Variants in NOL10 observed in about 807,000 individuals in gnomAD.
The protein encoded by NOL10 is nucleolar protein 10.
Under a neutral mutation model 103.5 loss-of-function variants are expected in NOL10, and 58 were observed. That is an observed-to-expected ratio of 0.56 (90% CI 0.45 to 0.70). The LOEUF is 0.70. Among genes scored for constraint, NOL10 ranks in the 30% least tolerant of loss-of-function variants. The pLI, the probability that NOL10 is intolerant of heterozygous loss-of-function variation, is 0.00. For missense variants in NOL10, 763 were observed against 807.3 expected, an observed-to-expected ratio of 0.95 and a Z score of 0.67; for synonymous variants, 287 against 282.5, an observed-to-expected ratio of 1.02 and a Z score of -0.16.
intron 1 of NOL10, among the ~76,000 whole-genome samples, chr2:10,687,897 A>G (rs1270356234): frequency 6.6e-6 from 1 of 152,168 alleles, no homozygotes; most frequent in Non-Finnish European, 1.5e-5. Context: ...CAGTGAGCCA[A>G]CATCAGGCCA....
rs550814649 is a variant in NOL10 at position 10,636,858 on chromosome 2, C to T, written c.1026+7462G>A. Among the ~76,000 whole-genome samples the T allele has an allele frequency of 6.4e-4, 97 of 152,250 alleles. 4 individuals are homozygous for T. In the South Asian group the frequency reaches 0.02, roughly 32 times the overall value. On this transcript the variant is annotated intron_variant, in intron 13 of 20. Coordinates refer to ENST00000381685, the MANE Select transcript of NOL10 (RefSeq NM_024894.4). Reference sequence around the variant, plus strand: ...TAGAACTAGACTAACAAATTCAATTCACCACAGACAGAAGTTAAAATTGTT... The same window carrying T: ...TAGAACTAGACTAACAAATTCAATTTACCACAGACAGAAGTTAAAATTGTT...
chr2:10,684,139 G>A (rs549124804), intron 2 of NOL10, among the ~76,000 whole-genome samples: 19 of 152,038 alleles, frequency 1.2e-4, no homozygotes, highest in Non-Finnish European at 2.2e-4. Flanking sequence ...AAAATTAGCC[G>A]GGCGTGGTGG....
At chr2:10,643,521 G>A (rs1448144542) in intron 13 of NOL10, among the ~76,000 whole-genome samples, 4 of 152,108 alleles carry the variant, frequency 2.6e-5, no homozygotes, top group Non-Finnish European at 5.9e-5. Flanking sequence ...AAACTTAAAG[G>A]GAAGGGTGGG....
At chr2:10,683,584 C>G (rs970756158) in intron 2 of NOL10, among the ~76,000 whole-genome samples, 5 of 152,204 alleles carry the variant, frequency 3.3e-5, no homozygotes, top group Non-Finnish European at 4.4e-5. Flanking sequence ...CCACTCTTAC[C>G]TGAGCCATTT....
chr2:10,597,860 C>T (rs920705452), intron 17 of NOL10, among the ~76,000 whole-genome samples: 1 of 152,200 alleles, frequency 6.6e-6, no homozygotes, highest in African/African-American at 2.4e-5. Flanking sequence ...TCCTCCTTTT[C>T]ACTGGAAGTA....
chr2:10,604,474 A>G (rs183756349), intron 14 of NOL10, among the ~76,000 whole-genome samples: 335 of 152,324 alleles, frequency 2.2e-3, no homozygotes, highest in African/African-American at 7.7e-3. Context: ...ACTGTCATAG[A>G]ATTCATTAGG....
chr2:10,634,566 G>A (rs1350514551), intron 13 of NOL10: 3 of 456,566 alleles, frequency 6.6e-6, no homozygotes, highest in African/African-American at 6.0e-5. Flanking sequence ...AGGCTGGAGA[G>A]GGAAAATTGG....
intron 4 of NOL10, among the ~76,000 whole-genome samples, chr2:10,674,682 C>G (rs192396494): frequency 2.7e-4 from 41 of 151,970 alleles, no homozygotes; most frequent in Admixed American, 2.3e-3. Flanking sequence ...ACTAAAAATA[C>G]CAAAATTAGC....
chr2:10,627,293 C>T (rs558764107), intron 13 of NOL10, among the ~76,000 whole-genome samples: 4 of 152,236 alleles, frequency 2.6e-5, no homozygotes, highest in South Asian at 2.1e-4. Flanking sequence ...CTTATCTTTC[C>T]GGATCTTTCT....
In NOL10 at chr2:10,682,077, G is replaced by A. The variant is rs1275625254; in HGVS notation, c.113-8C>T. On this transcript the variant is annotated splice_region_variant and splice_polypyrimidine_tract_variant and intron_variant, in intron 2 of 20. Transcript: ENST00000381685. The stretch of plus-strand genomic sequence containing the variant: ...CAATTCTCCTACGGACATCTAAAAA[G>A]AGAGAAAAAAACAACTAGTTTAACT... 1.4e-6 allele frequency: 2 copies of A among 1,394,870 alleles called. No homozygotes were observed. Among genetic ancestry groups the A allele is most frequent in the South Asian group, 1.6e-5 (1 of 62,658 alleles). 86.4% of individuals were successfully genotyped at this position (1,394,870 alleles called of 1,614,324 possible). A position where few individuals can be genotyped will look rare whatever the true frequency, so the allele number is the denominator to read the frequency against.
chr2:10,599,006 A>G (rs1572263401), intron 17 of NOL10, among the ~76,000 whole-genome samples: 1 of 152,128 alleles, frequency 6.6e-6, no homozygotes, highest in East Asian at 1.9e-4. Context: ...TTGTGAGGTC[A>G]TTTCCACCAT....
chr2:10,652,901 AAC>A (rs1434933599), intron 12 of NOL10, among the ~76,000 whole-genome samples: 14 of 152,146 alleles, frequency 9.2e-5, no homozygotes, highest in Non-Finnish European at 1.8e-4. Flanking sequence ...GTGTGTTAAA[AAC>A]ACACGTTTCT....
chr2:10,654,436 C>T (rs1467902398), intron 12 of NOL10, 45 bp downstream of exon 12: 2 of 1,287,130 alleles, frequency 1.6e-6, no homozygotes, highest in African/African-American at 3.0e-5. Flanking sequence ...CTACAGAATG[C>T]ATCTTTTTAT....
At chr2:10,687,570 T>C (rs1350075610) in intron 1 of NOL10, among the ~76,000 whole-genome samples, 4 of 152,192 alleles carry the variant, frequency 2.6e-5, no homozygotes, top group Non-Finnish European at 4.4e-5. Context: ...GACAGTAAAT[T>C]CACCTGCAAT....
At chr2:10,632,103 G>A (rs984428510) in intron 13 of NOL10, among the ~76,000 whole-genome samples, 1 of 152,096 alleles carries the variant, frequency 6.6e-6, no homozygotes, top group Non-Finnish European at 1.5e-5. Flanking sequence ...TATCAAAGAC[G>A]CTCCAAATTG....
At chr2:10,595,752 G>A (rs12690510) in intron 17 of NOL10, among the ~76,000 whole-genome samples, 51,750 of 151,086 alleles carry the variant, frequency 0.34, 9,205 homozygotes, top group Non-Finnish European at 0.4. Flanking sequence ...TTACAGGTAC[G>A]CACCACCACA....
intron 13 of NOL10, 100 bp from the exon 14 acceptor site, chr2:10,607,411 C>T (rs893053402): frequency 7.7e-7 from 1 of 1,302,724 alleles, no homozygotes; most frequent in African/African-American, 1.5e-5. Context: ...ATTTCTAAAT[C>T]CTTTTTTCTA....
chr2:10,647,191 A>T (rs566569624), intron 12 of NOL10, among the ~76,000 whole-genome samples: 1 of 152,186 alleles, frequency 6.6e-6, no homozygotes, highest in Admixed American at 6.5e-5. Flanking sequence ...AGTGTATAGT[A>T]CGCTGTAATA....
intron 13 of NOL10, among the ~76,000 whole-genome samples, chr2:10,622,565 G>C (rs1677211378): frequency 6.6e-6 from 1 of 151,450 alleles, no homozygotes; most frequent in Non-Finnish European, 1.5e-5. Flanking sequence ...TGGTGAACAA[G>C]TCCCTTACAC....
Sources: gnomAD v4.1 joint callset for allele counts (sites outside exome capture counted in the v4.1 genomes callset) on GRCh38, gnomAD v4.1.1 for gene constraint, MANE v1.5 for transcripts, NCBI Gene and HGNC (gene_info 2026-07-23, HGNC 2026-07-21) for gene names.